APBB2: variants seen among roughly 807,000 people sequenced by gnomAD.
APBB2 encodes the protein Fe65-like 1.
Under a neutral mutation model 82.5 loss-of-function variants are expected in APBB2, and 38 were observed. The ratio of observed to expected loss-of-function variants is 0.46; its 90% confidence interval spans 0.36 to 0.60. The LOEUF (loss-of-function observed/expected upper bound fraction) is 0.60, where lower values mean the gene tolerates loss of function less well. APBB2 is among the 20% of genes least tolerant of loss of function. APBB2 has a pLI of 0.00. For synonymous variants in APBB2, 341 were observed against 368.2 expected (o/e 0.93, Z 0.85); for missense variants, 772 against 972.3 (o/e 0.79, Z 2.74).
chr4:41,021,042 G>T (rs1811341278), intron 5 of APBB2, among the ~76,000 whole-genome samples: 1 of 152,208 alleles, frequency 6.6e-6, no homozygotes, highest in African/African-American at 2.4e-5. Context: ...TCCCATGACA[G>T]CCATCTTGCT....
intron 6 of APBB2, among the ~76,000 whole-genome samples, chr4:40,950,433 C>T (rs559225100): frequency 4.7e-4 from 72 of 152,320 alleles, no homozygotes; most frequent in Admixed American, 1.4e-3. Flanking sequence ...ATGAATTGGC[C>T]AGGCACAGTG....
intron 2 of APBB2, among the ~76,000 whole-genome samples, chr4:41,107,694 G>A (rs988067214): frequency 2.0e-5 from 3 of 152,130 alleles, no homozygotes; most frequent in East Asian, 1.9e-4. Flanking sequence ...AGTAGGTATC[G>A]CCACAGTCAC....
intron 1 of APBB2, among the ~76,000 whole-genome samples, chr4:41,199,675 C>T (rs866144244): frequency 6.6e-6 from 1 of 152,112 alleles, no homozygotes; most frequent in East Asian, 1.9e-4. Flanking sequence ...AGATTACATG[C>T]AACTTTCAAA....
intron 1 of APBB2, among the ~76,000 whole-genome samples, chr4:41,159,969 GAAGAAGAAGAAGAAGA>G (rs1560913628): frequency 3.2e-4 from 32 of 98,704 alleles, no homozygotes; most frequent in African/African-American, 4.7e-4. Flanking sequence ...AGGAGAAGAA[GAAGAAGAAGAAGAAGA>G]AGAAGAAGAA....
chr4:40,860,698 T>C (rs114840288), intron 12 of APBB2, among the ~76,000 whole-genome samples: 2,639 of 152,332 alleles, frequency 0.017, 80 homozygotes, highest in African/African-American at 0.061. Flanking sequence ...AGTTTCCCGT[T>C]GTATTTTCGG....
At chr4:40,965,475 G>T (rs1794452944) in intron 6 of APBB2, among the ~76,000 whole-genome samples, 1 of 152,248 alleles carries the variant, frequency 6.6e-6, no homozygotes, top group South Asian at 2.1e-4. Flanking sequence ...GCCACATGGG[G>T]CTACTGAGCA....
intron 6 of APBB2, among the ~76,000 whole-genome samples, chr4:40,945,426 G>A (rs1007274749): frequency 1.3e-5 from 2 of 152,160 alleles, no homozygotes; most frequent in Non-Finnish European, 2.9e-5. Context: ...ACAGTGTACT[G>A]AATGCTTTTG....
chr4:40,820,392 C>T lies in APBB2; in HGVS notation c.2112+1479G>A, dbSNP rs138824044. On this transcript the variant is annotated intron_variant, in intron 17 of 17. Transcript: ENST00000508593. ...CTAAAATCTAAATACAGGCTGGGTGCGGTGGCTCATGCCGGTAATCCCAGC... is the reference window on the plus strand; with the variant it reads ...CTAAAATCTAAATACAGGCTGGGTGTGGTGGCTCATGCCGGTAATCCCAGC... Among the ~76,000 whole-genome samples, 796 of 152,206 alleles carry T rather than the reference C, an allele frequency of 5.2e-3. 2 individuals carry two copies. The highest frequency in any genetic ancestry group is 9.0e-3 in the Non-Finnish European group (613 of 68,010).
At chr4:41,009,340 T>C (rs188322717) in intron 6 of APBB2, among the ~76,000 whole-genome samples, 1 of 150,910 alleles carries the variant, frequency 6.6e-6, no homozygotes, top group East Asian at 1.9e-4. Context: ...CCTATGAAAA[T>C]AGTCATTTCA....
At chr4:41,149,770 C>G (rs957125058) in intron 1 of APBB2, among the ~76,000 whole-genome samples, 1 of 152,144 alleles carries the variant, frequency 6.6e-6, no homozygotes, top group Non-Finnish European at 1.5e-5. Flanking sequence ...AACTGAATCA[C>G]TGAATCATGG....
At chr4:41,164,218 C>CA (rs1281520697) in intron 1 of APBB2, among the ~76,000 whole-genome samples, 1 of 152,028 alleles carries the variant, frequency 6.6e-6, no homozygotes, top group African/African-American at 2.4e-5. Flanking sequence ...TTGGTTTGAC[C>CA]ACAACCCGTC....
At chr4:40,822,079 CAGG>C in intron 16 of APBB2, 29 bp from the exon 17 acceptor site, 1 of 1,610,786 alleles carries the variant, frequency 6.2e-7, no homozygotes, top group Admixed American at 1.7e-5. Context: ...GGCATCCAAT[CAGG>C]AGATCCCAGG....
rs10694468 is a variant in APBB2, at chr4:41,000,105, G to GTGTGTGTGTGTGTGTGTGTGTGTGTGTA, written c.835+13477_835+13478insTACACACACACACACACACACACACACA. On this transcript the variant is annotated intron_variant, in intron 6 of 17. Coordinates refer to ENST00000508593, the MANE Select transcript of APBB2 (RefSeq NM_004307.2). ...TGTGTGTGTGTGTGTGTGTGTGTGT[G>GTGTGTGTGTGTGTGTGTGTGTGTGTGTA]TATAAATTAGCCAGGTGTGGTGGTG... Among the ~76,000 whole-genome samples the GTGTGTGTGTGTGTGTGTGTGTGTGTGTA allele has an allele frequency of 8.1e-5, 11 of 135,154 alleles. 1 individual carries two copies. The highest frequency in any genetic ancestry group is 4.6e-4 in the East Asian group (2 of 4,326). The allele number at this position is 135,154 out of a possible 152,430, so 88.7% of individuals were successfully genotyped here.
chr4:40,950,570 G>A (rs903667691), intron 6 of APBB2, among the ~76,000 whole-genome samples: 3 of 152,046 alleles, frequency 2.0e-5, no homozygotes, highest in South Asian at 2.1e-4. Context: ...AAAATTGGCC[G>A]GGTGTGGGGG....
chr4:40,903,670 T>C (rs1038237091), intron 10 of APBB2, among the ~76,000 whole-genome samples: 10 of 151,902 alleles, frequency 6.6e-5, no homozygotes, highest in African/African-American at 2.4e-4. Flanking sequence ...GCGTAGAGAA[T>C]AGGGATTCAA....
intron 15 of APBB2, chr4:40,825,651 G>T: frequency 2.1e-6 from 1 of 485,818 alleles, no homozygotes; most frequent in Non-Finnish European, 3.8e-6. Context: ...AGAAATCCAC[G>T]TCTGTATTGC....
At chr4:40,854,186 G>A (rs1341828617) in intron 12 of APBB2, among the ~76,000 whole-genome samples, 2 of 152,168 alleles carry the variant, frequency 1.3e-5, no homozygotes, top group East Asian at 1.9e-4. Flanking sequence ...TATTTATGGA[G>A]GGCATCCTAT....
intron 4 of APBB2, among the ~76,000 whole-genome samples, chr4:41,061,215 A>G (rs1729712956): frequency 6.6e-6 from 1 of 152,274 alleles, no homozygotes; most frequent in Non-Finnish European, 1.5e-5. Context: ...GGATAGGTAC[A>G]GACAAAAATG....
intron 1 of APBB2, among the ~76,000 whole-genome samples, chr4:41,173,915 C>G (rs1175293995): frequency 2.0e-5 from 3 of 152,116 alleles, no homozygotes; most frequent in Non-Finnish European, 2.9e-5. Context: ...TACCCAGAAG[C>G]TACATGCAAA....
Sources: allele counts gnomAD v4.1 joint callset (sites outside exome capture counted in the v4.1 genomes callset), GRCh38; gene constraint gnomAD v4.1.1; transcripts MANE v1.5; gene names NCBI Gene and HGNC (gene_info 2026-07-23, HGNC 2026-07-21).